AKAP6: variants seen among roughly 807,000 people sequenced by gnomAD.
The protein encoded by AKAP6 is A-kinase anchoring protein 6, also known as A-kinase anchor protein 6.
A neutral mutation model predicts 188.5 loss-of-function variants in AKAP6; 58 were observed. That is an observed-to-expected ratio of 0.31 (90% CI 0.25 to 0.38). AKAP6 has a LOEUF of 0.38. Ranked by LOEUF, AKAP6 falls within the 10% of genes least tolerant of loss-of-function variation. The pLI, the probability that AKAP6 is intolerant of heterozygous loss-of-function variation, is 1.00. For synonymous variants in AKAP6, 989 were observed against 998.6 expected, an observed-to-expected ratio of 0.99 and a Z score of 0.18; for missense variants, 2,710 against 2,740.0, an observed-to-expected ratio of 0.99 and a Z score of 0.24.
intron 12 of AKAP6, among the ~76,000 whole-genome samples, chr14:32,795,790 G>A (rs1483459297): frequency 6.6e-6 from 1 of 152,124 alleles, no homozygotes; most frequent in African/African-American, 2.4e-5. Context: ...CCAGCACAGT[G>A]AGGCAAGAGA....
intron 11 of AKAP6, among the ~76,000 whole-genome samples, chr14:32,767,630 T>A (rs1468001445): frequency 6.6e-6 from 1 of 152,130 alleles, no homozygotes; most frequent in Non-Finnish European, 1.5e-5. Flanking sequence ...TTTAAAATGT[T>A]ACAAAAATTA....
intron 12 of AKAP6, among the ~76,000 whole-genome samples, chr14:32,777,700 T>C (rs2033110168): frequency 6.6e-6 from 1 of 152,168 alleles, no homozygotes; most frequent in Non-Finnish European, 1.5e-5. Context: ...CTGAGGTATC[T>C]TCAAGCAGCC....
chr14:32,759,118 A>C (rs1004578074), intron 11 of AKAP6, among the ~76,000 whole-genome samples: 1 of 152,206 alleles, frequency 6.6e-6, no homozygotes, highest in Admixed American at 6.5e-5. Flanking sequence ...GGCCTAACTT[A>C]TCTCTTTTAA....
chr14:32,410,611 T>A (rs1889450248), intron 1 of AKAP6, among the ~76,000 whole-genome samples: 1 of 152,314 alleles, frequency 6.6e-6, no homozygotes, highest in East Asian at 1.9e-4. Context: ...TTTATAGAGT[T>A]TGACTCTTTT....
chr14:32,436,551 C>A (rs767939966), intron 2 of AKAP6, among the ~76,000 whole-genome samples: 1 of 152,194 alleles, frequency 6.6e-6, no homozygotes, highest in Non-Finnish European at 1.5e-5. Context: ...TCACTGCTTG[C>A]CTAGGCTACT....
chr14:32,666,574 C>A (rs754097438), intron 7 of AKAP6, among the ~76,000 whole-genome samples: 1 of 151,986 alleles, frequency 6.6e-6, no homozygotes, highest in Admixed American at 6.6e-5. Flanking sequence ...TTATTTAAAA[C>A]ATCTGTCTAC....
chr14:32,602,375 G>GC (rs1885962155), intron 7 of AKAP6, among the ~76,000 whole-genome samples: 1 of 152,118 alleles, frequency 6.6e-6, no homozygotes, highest in African/African-American at 2.4e-5. Context: ...TGCACCTACA[G>GC]TCCTAGTTAC....
intron 2 of AKAP6, among the ~76,000 whole-genome samples, chr14:32,472,630 G>A (rs937473020): frequency 1.3e-5 from 2 of 152,158 alleles, no homozygotes; most frequent in Non-Finnish European, 2.9e-5. Context: ...GCAGGGAGAT[G>A]GCAACGAGGT....
intron 2 of AKAP6, chr14:32,495,241 A>T (rs1880245829): frequency 6.6e-6 from 1 of 152,204 alleles, no homozygotes; most frequent in South Asian, 2.1e-4. Flanking sequence ...TGAAAAACCA[A>T]ATCGACTTGA....
chr14:32,618,848 G>A lies in AKAP6; in HGVS notation c.2730+18056G>A, dbSNP rs188158601. Among the ~76,000 whole-genome samples, 7 of 152,134 alleles carry A rather than the reference G, an allele frequency of 4.6e-5. No homozygotes were observed. The East Asian group carries it at 7.7e-4, about 17-fold the overall frequency. On this transcript the variant is annotated intron_variant, in intron 7 of 13. Coordinates refer to ENST00000280979, the MANE Select transcript of AKAP6 (RefSeq NM_004274.5). ...AGTGTTCCCTTTTCATCACATCCAC[G>A]CCAACATTTATTGTTTTTTGACCTT...
intron 2 of AKAP6, among the ~76,000 whole-genome samples, chr14:32,478,285 A>G (rs1370017412): frequency 3.3e-5 from 5 of 152,228 alleles, no homozygotes; most frequent in African/African-American, 1.2e-4. Context: ...GATTGCCATC[A>G]GATGTGTCAG....
At chr14:32,692,139 T>C (rs1382258256) in intron 8 of AKAP6, among the ~76,000 whole-genome samples, 1 of 152,214 alleles carries the variant, frequency 6.6e-6, no homozygotes, top group Non-Finnish European at 1.5e-5. Flanking sequence ...GAAAACAAAC[T>C]AGACTGGATA....
At chr14:32,510,401 T>TAG (rs1881136048) in intron 2 of AKAP6, among the ~76,000 whole-genome samples, 1 of 101,076 alleles carries the variant, frequency 9.9e-6, no homozygotes, top group Non-Finnish European at 2.0e-5. Flanking sequence ...TGTGTATATA[T>TAG]ATGTATATAT....
chr14:32,445,551 A>G (rs937699971), intron 2 of AKAP6, among the ~76,000 whole-genome samples: 1 of 151,442 alleles, frequency 6.6e-6, no homozygotes. Flanking sequence ...TTTTTTTTGT[A>G]TTTTTAGTAG....
At chr14:32,621,516 T>C (rs1886814103) in intron 7 of AKAP6, among the ~76,000 whole-genome samples, 1 of 152,172 alleles carries the variant, frequency 6.6e-6, no homozygotes, top group African/African-American at 2.4e-5. Context: ...TCTAGTTTTT[T>C]TCTGCTGTAG....
chr14:32,500,984 G>A lies in AKAP6; in HGVS notation c.325-34570G>A, dbSNP rs183915404. 7.2e-5 allele frequency among the ~76,000 whole-genome samples: 11 copies of A among 152,258 alleles called. No individual in the cohort carries two copies. The East Asian group carries it at 2.1e-3, about 29-fold the overall frequency. On this transcript the variant is annotated intron_variant, in intron 2 of 13. Coordinates refer to ENST00000280979, the MANE Select transcript of AKAP6 (RefSeq NM_004274.5). ...TCCCATTGCAAGTGCATTCTAGCCT[G>A]TGGCACACCAAAGTATTTGGAAAGC... is the stretch of plus-strand genomic sequence containing the variant.
At chr14:32,761,316 T>G (rs1334906634) in intron 11 of AKAP6, among the ~76,000 whole-genome samples, 1 of 152,216 alleles carries the variant, frequency 6.6e-6, no homozygotes, top group Admixed American at 6.5e-5. Context: ...TCCATTTATT[T>G]CCCTTCTGTA....
At chr14:32,487,797 G>A (rs1879785597) in intron 2 of AKAP6, among the ~76,000 whole-genome samples, 1 of 152,142 alleles carries the variant, frequency 6.6e-6, no homozygotes, top group South Asian at 2.1e-4. Context: ...TAATAGTCAG[G>A]CCCCTCTTCT....
intron 1 of AKAP6, among the ~76,000 whole-genome samples, chr14:32,424,189 G>T (rs771868396): frequency 6.6e-6 from 1 of 152,086 alleles, no homozygotes; most frequent in African/African-American, 2.4e-5. Flanking sequence ...AACTGTAATT[G>T]AATTATTCTT....
Sources: allele counts gnomAD v4.1 joint callset (sites outside exome capture counted in the v4.1 genomes callset), GRCh38; gene constraint gnomAD v4.1.1; transcripts MANE v1.5; gene names NCBI Gene and HGNC (gene_info 2026-07-23, HGNC 2026-07-21).